Variants in DPYSL5 observed in about 807,000 individuals in gnomAD.
The protein encoded by DPYSL5 is dihydropyrimidinase-related protein 5.
Under a neutral mutation model 58.4 loss-of-function variants are expected in DPYSL5, and 9 were observed. The ratio of observed to expected loss-of-function variants is 0.15; its 90% CI spans 0.09 to 0.27. The LOEUF (loss-of-function observed/expected upper bound fraction) is 0.27, where lower values mean the gene tolerates loss of function less well. DPYSL5 is among the 10% of genes least tolerant of loss of function. DPYSL5 has a pLI of 1.00. For synonymous variants in DPYSL5, 293 were observed against 301.9 expected, an observed-to-expected ratio of 0.97 and a Z score of 0.31; for missense variants, 499 against 770.6, an observed-to-expected ratio of 0.65 and a Z score of 4.17.
At position 26,944,047 on chromosome 2, in the gene DPYSL5, T is replaced by G. The variant is rs914699143; in HGVS notation, c.1441-609T>G. 2.0e-5 allele frequency among the ~76,000 whole-genome samples: 3 copies of G among 152,130 alleles called. No individual in the cohort carries two copies. Among genetic ancestry groups the G allele is most frequent in the Non-Finnish European group, 4.4e-5 (3 of 68,016 alleles). ...TGGCTCACGCCTGTAATCCCGGAAC[T>G]TTGGGAGGCCGAGGCGGGTGGATCA... On this transcript the variant is annotated intron_variant, in intron 11 of 12. Transcript: ENST00000288699. This position sits in a 1 kb window ranked among gnomAD's most constrained non-coding sequence, Gnocchi z 4.4.
rs187171792 is a variant in DPYSL5, at chr2:26,947,095, C to T, written c.*100C>T. On this transcript the variant is annotated 3_prime_UTR_variant, in exon 13 of 13. Transcript: ENST00000288699. This position sits in a 1 kb window ranked among gnomAD's most constrained non-coding sequence, Gnocchi z 4.2. ...GCAGGAGAGGCTGGGCTGGGTGGCACACCACCCGAGGGGGGCCCCGGGACC... is the reference window on the plus strand; with the variant it reads ...GCAGGAGAGGCTGGGCTGGGTGGCATACCACCCGAGGGGGGCCCCGGGACC... 3.4e-4 allele frequency: 368 copies of T among 1,091,872 alleles called. 2 individuals carry two copies. The African/African-American group carries it at 5.4e-3, about 16-fold the overall frequency. The allele number at this position is 1,091,872 out of a possible 1,614,324, so 67.6% of individuals were successfully genotyped here.
In DPYSL5 at chr2:26,927,520, C is replaced by A; in HGVS notation, c.600+88C>A. The A allele has an allele frequency of 6.7e-7, 1 of 1,484,576 alleles. No individual in the cohort carries two copies. Among genetic ancestry groups the A allele is most frequent in the East Asian group, 2.3e-5 (1 of 42,590 alleles). 92.0% of individuals were successfully genotyped at this position (1,484,576 alleles called of 1,614,324 possible). On this transcript the variant is annotated intron_variant, in intron 4 of 12. Coordinates refer to ENST00000288699, the MANE Select transcript of DPYSL5 (RefSeq NM_020134.4). This position sits in a 1 kb window ranked among gnomAD's most constrained non-coding sequence, Gnocchi z 4.3. ...GATTCCTGACCACCCGTCACTGATC[C>A]CACAGGATTCAGACAAAATCAGTTG...
At position 26,934,830 on chromosome 2, in the gene DPYSL5, A is replaced by G; in HGVS notation, c.947+96A>G. Reference sequence around the variant, plus strand: ...ACAAATCTGAGCTAGGTTTGATTTCATTGTGCCCATAGGATCATTGTGCTT... The same window carrying G: ...ACAAATCTGAGCTAGGTTTGATTTCGTTGTGCCCATAGGATCATTGTGCTT... On this transcript the variant is annotated intron_variant, in intron 8 of 12. Transcript: ENST00000288699. The surrounding 1 kb of genome is among the most constrained non-coding windows in gnomAD (Gnocchi z 4.3). 4 of 1,479,666 alleles carry G rather than the reference A, an allele frequency of 2.7e-6. No homozygotes were observed. Among genetic ancestry groups the G allele is most frequent in the South Asian group, 1.3e-5 (1 of 79,704 alleles). The allele number at this position is 1,479,666 out of a possible 1,614,324, so 91.7% of individuals were successfully genotyped here.
At chr2:26,872,520 T>C (rs980009584) in intron 1 of DPYSL5, among the ~76,000 whole-genome samples, 1 of 152,034 alleles carries the variant, frequency 6.6e-6, no homozygotes, top group African/African-American at 2.4e-5. Flanking sequence ...TGAAACCCCG[T>C]CTCTACTAAA....
At chr2:26,902,432 G>C (rs1664181420) in intron 2 of DPYSL5, among the ~76,000 whole-genome samples, 1 of 152,036 alleles carries the variant, frequency 6.6e-6, no homozygotes, top group Non-Finnish European at 1.5e-5. Context: ...AAGCAAATCA[G>C]GTATGTGGCA....
intron 1 of DPYSL5, among the ~76,000 whole-genome samples, chr2:26,871,486 A>C (rs2148117340): frequency 6.6e-6 from 1 of 152,278 alleles, no homozygotes; most frequent in South Asian, 2.1e-4. Context: ...TCTGTCGCCC[A>C]GGTTGGAGTG....
At chr2:26,869,285 C>A (rs1193894167) in intron 1 of DPYSL5, among the ~76,000 whole-genome samples, 3 of 152,088 alleles carry the variant, frequency 2.0e-5, no homozygotes, top group African/African-American at 7.2e-5. Context: ...AGTTTTCTTT[C>A]TTTTTTGTTT....
intron 1 of DPYSL5, among the ~76,000 whole-genome samples, chr2:26,862,235 G>A (rs1435310911): frequency 3.3e-5 from 5 of 152,218 alleles, no homozygotes; most frequent in Admixed American, 6.5e-5. Flanking sequence ...TTGTTACACA[G>A]CATAGAAAAC....
intron 1 of DPYSL5, among the ~76,000 whole-genome samples, chr2:26,896,299 T>G (rs1191710868): frequency 6.6e-6 from 1 of 152,158 alleles, no homozygotes. Context: ...GATGGGCACT[T>G]AGGTTGATTC....
At position 26,932,193 on chromosome 2, in the gene DPYSL5, A is replaced by AAGAAAGAC. The variant is rs1558351613; in HGVS notation, c.714+516_714+517insCAGAAAGA. On this transcript the variant is annotated intron_variant, in intron 6 of 12. Coordinates refer to ENST00000288699, the MANE Select transcript of DPYSL5 (RefSeq NM_020134.4). Reference sequence around the variant, plus strand: ...AAAGAAAGAAAGAAAGAAAGAAAGAAAGAAAGAAAGAAAGAAAAGAAAGAA... The same window carrying AAGAAAGAC: ...AAAGAAAGAAAGAAAGAAAGAAAGAAAGAAAGACAGAAAGAAAGAAAGAAAAGAAAGAA... 5.5e-4 allele frequency among the ~76,000 whole-genome samples: 40 copies of AAGAAAGAC among 72,752 alleles called. 1 individual carries two copies. Among genetic ancestry groups the AAGAAAGAC allele is most frequent in the African/African-American group, 1.6e-3 (34 of 20,830 alleles). The allele number at this position is 72,752 out of a possible 152,430, so 47.7% of individuals were successfully genotyped here. A position where few individuals can be genotyped will look rare whatever the true frequency, so the allele number is the denominator to read the frequency against.
At chr2:26,869,855 C>CA (rs1415423715) in intron 1 of DPYSL5, among the ~76,000 whole-genome samples, 10 of 152,086 alleles carry the variant, frequency 6.6e-5, no homozygotes, top group African/African-American at 2.4e-4. Context: ...ACTAAAAATA[C>CA]AAAAAATCAG....
At chr2:26,883,470 C>G (rs1454362200) in intron 1 of DPYSL5, among the ~76,000 whole-genome samples, 7 of 152,200 alleles carry the variant, frequency 4.6e-5, no homozygotes, top group Admixed American at 3.3e-4. Flanking sequence ...GCGATCTTGG[C>G]TCACTGCAAC....
intron 1 of DPYSL5, among the ~76,000 whole-genome samples, chr2:26,864,578 A>G (rs879361133): frequency 5.3e-5 from 8 of 152,228 alleles, no homozygotes; most frequent in Non-Finnish European, 8.8e-5. Context: ...CTGGGTGTAG[A>G]TTGTGCAACT....
Position 26,944,621 on chromosome 2 carries a change from T to A in DPYSL5, c.1441-35T>A. ...GTATCACTCAGCTCTGATGGTGTTG[T>A]CCTGTTCTTCTGCTCTTCTTCCATC... On this transcript the variant is annotated intron_variant, in intron 11 of 12. Transcript: ENST00000288699. This position sits in a 1 kb window ranked among gnomAD's most constrained non-coding sequence, Gnocchi z 4.4. The A allele has an allele frequency of 6.2e-7, 1 of 1,606,632 alleles. No individual in the cohort carries two copies. The highest frequency in any genetic ancestry group is 1.1e-5 in the South Asian group (1 of 89,848).
At chr2:26,921,750 G>A (rs1051146627) in intron 2 of DPYSL5, among the ~76,000 whole-genome samples, 2 of 152,146 alleles carry the variant, frequency 1.3e-5, no homozygotes, top group African/African-American at 4.8e-5. Flanking sequence ...TCGAGGCCTT[G>A]GGGTAACAGC....
intron 2 of DPYSL5, among the ~76,000 whole-genome samples, chr2:26,916,230 A>G (rs1340570921): frequency 6.6e-6 from 1 of 152,180 alleles, no homozygotes; most frequent in Non-Finnish European, 1.5e-5. Context: ...GGCTCCAGTC[A>G]GGTCCATCAT....
intron 1 of DPYSL5, among the ~76,000 whole-genome samples, chr2:26,869,008 A>G (rs1663188308): frequency 6.6e-6 from 1 of 152,112 alleles, no homozygotes; most frequent in Non-Finnish European, 1.5e-5. Context: ...TGTCTTGCCC[A>G]GGCCGAAGTG....
intron 2 of DPYSL5, among the ~76,000 whole-genome samples, chr2:26,903,028 C>G (rs932003756): frequency 1.3e-5 from 2 of 151,974 alleles, no homozygotes; most frequent in Non-Finnish European, 2.9e-5. Context: ...TGGAGCTGCT[C>G]TGTCTATGGA....
intron 1 of DPYSL5, among the ~76,000 whole-genome samples, chr2:26,883,491 C>T (rs1663625788): frequency 1.3e-5 from 2 of 152,146 alleles, no homozygotes; most frequent in African/African-American, 2.4e-5. Flanking sequence ...CTCCGATCCC[C>T]GGGTTCAAGC....
Sources: allele counts gnomAD v4.1 joint callset (sites outside exome capture counted in the v4.1 genomes callset), GRCh38; gene constraint gnomAD v4.1.1; non-coding constraint Gnocchi (gnomAD v3.1); transcripts MANE v1.5; gene names NCBI Gene and HGNC (gene_info 2026-07-23, HGNC 2026-07-21).